The following DOK5 variants were observed in gnomAD, a reference collection of about 807,000 sequenced individuals.
The protein encoded by DOK5 is downstream of tyrosine kinase 5.
In DOK5, 27 loss-of-function variants were observed where a neutral mutation model predicts 43.3. The observed-to-expected ratio is 0.62, with a 90% confidence interval of 0.46 to 0.86. The LOEUF (loss-of-function observed/expected upper bound fraction) is 0.86, where lower values mean the gene tolerates loss of function less well. Among genes scored for constraint, DOK5 ranks in the 40% least tolerant of loss-of-function variants. DOK5 has a pLI of 0.00. For missense variants in DOK5, 373 were observed against 392.9 expected (o/e 0.95, Z 0.43); for synonymous variants, 146 against 140.1 (o/e 1.04, Z -0.30).
intron 5 of DOK5, among the ~76,000 whole-genome samples, chr20:54,594,316 TGG>T (rs1283908199): frequency 2.0e-5 from 3 of 152,120 alleles, no homozygotes; most frequent in Non-Finnish European, 4.4e-5. Flanking sequence ...CACTTGAGCC[TGG>T]GAGGTCGAGG....
At chr20:54,646,517 T>G (rs1240185218) in intron 7 of DOK5, among the ~76,000 whole-genome samples, 16 of 152,172 alleles carry the variant, frequency 1.1e-4, no homozygotes. Flanking sequence ...CCTCCCAAAG[T>G]GCTGGAATTA....
Position 54,602,979 on chromosome 20 carries a change from T to C in DOK5, c.600-7409T>C, listed in dbSNP as rs138346238. Among the ~76,000 whole-genome samples, 418 of 152,362 alleles carry C rather than the reference T, an allele frequency of 2.7e-3. 4 individuals are homozygous for C. Among genetic ancestry groups the C allele is most frequent in the African/African-American group, 9.2e-3 (382 of 41,584 alleles). ...AGCCACCGCGCCCAGACTTTTAATG[T>C]ATTTTTTAAGTCTGCTTTCAATTTA... On this transcript the variant is annotated intron_variant, in intron 5 of 7. Coordinates refer to ENST00000262593, the MANE Select transcript of DOK5 (RefSeq NM_018431.5).
In DOK5 at chr20:54,643,526, C is replaced by G; in HGVS notation, c.804C>G (p.Tyr268Ter). The change falls in exon 7 of 8, where the codon TAC becomes TAG. Residue 268 changes from tyrosine (Y) to a stop codon, truncating the protein, a stop_gained. Transcript: ENST00000262593. LOFTEE classifies it high-confidence loss of function. ...TGGTGCCCCTGCCTCGCAGCGCCTA[C>G]TGGCAGCACATCACACGGCAGCACA... ...STMVPLPRSA[Y>*]WQHITRQHST... 6.2e-7 allele frequency: 1 copy of G among 1,613,640 alleles called. No homozygotes were observed. Among genetic ancestry groups the G allele is most frequent in the Non-Finnish European group, 8.5e-7 (1 of 1,180,048 alleles).
At chr20:54,541,140 G>T (rs765080955) in intron 1 of DOK5, among the ~76,000 whole-genome samples, 1 of 152,138 alleles carries the variant, frequency 6.6e-6, no homozygotes, top group Non-Finnish European at 1.5e-5. Flanking sequence ...AATCATCCTA[G>T]ACTTTTGTCT....
chr20:54,636,180 G>A (rs1978818059), intron 6 of DOK5, among the ~76,000 whole-genome samples: 1 of 152,218 alleles, frequency 6.6e-6, no homozygotes, highest in African/African-American at 2.4e-5. Flanking sequence ...TAGCCTCACA[G>A]GCTGGCTGCC....
rs576276409 is a variant in DOK5 at position 54,538,631 on chromosome 20, T to C, written c.67-16302T>C. 6.6e-5 allele frequency among the ~76,000 whole-genome samples: 10 copies of C among 152,322 alleles called. No individual in the cohort carries two copies. The East Asian group carries it at 1.5e-3, about 23-fold the overall frequency. ...TGATGTTTGAAGCAAAATTATAACA[T>C]TGTCTTCTATGTTTCTAACTGGATA... On this transcript the variant is annotated intron_variant, in intron 1 of 7. Coordinates refer to ENST00000262593, the MANE Select transcript of DOK5 (RefSeq NM_018431.5).
At chr20:54,488,333 C>T (rs1982023554) in intron 1 of DOK5, among the ~76,000 whole-genome samples, 1 of 152,222 alleles carries the variant, frequency 6.6e-6, no homozygotes, top group Admixed American at 6.5e-5. Flanking sequence ...ACTGGTTGCT[C>T]TTAACGTCTG....
At chr20:54,603,626 G>T (rs974462734) in intron 5 of DOK5, among the ~76,000 whole-genome samples, 9 of 152,174 alleles carry the variant, frequency 5.9e-5, no homozygotes, top group Non-Finnish European at 8.8e-5. Flanking sequence ...GGTACTACTG[G>T]CATCTAGTGA....
intron 1 of DOK5, among the ~76,000 whole-genome samples, chr20:54,520,272 A>T (rs1324907811): frequency 6.6e-6 from 1 of 152,134 alleles, no homozygotes; most frequent in African/African-American, 2.4e-5. Flanking sequence ...GCAAATTCTA[A>T]GCCCCTTATC....
intron 1 of DOK5, among the ~76,000 whole-genome samples, chr20:54,528,447 C>T (rs559934531): frequency 1.3e-5 from 2 of 152,120 alleles, no homozygotes; most frequent in South Asian, 4.2e-4. Context: ...ATACGGCTTC[C>T]CACCTAGAGG....
chr20:54,625,400 A>C (rs946675528), intron 6 of DOK5, among the ~76,000 whole-genome samples: 7 of 152,214 alleles, frequency 4.6e-5, no homozygotes, highest in Non-Finnish European at 8.8e-5. Flanking sequence ...ACGTTTGGCC[A>C]GTTGCCATTT....
chr20:54,497,302 T>C (rs1472604674), intron 1 of DOK5, among the ~76,000 whole-genome samples: 1 of 152,240 alleles, frequency 6.6e-6, no homozygotes, highest in Non-Finnish European at 1.5e-5. Flanking sequence ...GAGACACTGC[T>C]TCATGCATTA....
chr20:54,634,361 C>T (rs1978715737), intron 6 of DOK5, among the ~76,000 whole-genome samples: 1 of 150,738 alleles, frequency 6.6e-6, no homozygotes, highest in Non-Finnish European at 1.5e-5. Context: ...AGTTGTCGGT[C>T]AGGTCTTCAT....
chr20:54,489,552 A>G (rs1982082616), intron 1 of DOK5, among the ~76,000 whole-genome samples: 6 of 152,122 alleles, frequency 3.9e-5, no homozygotes, highest in Admixed American at 3.3e-4. Flanking sequence ...TATATCTTAT[A>G]TATTTTATTT....
chr20:54,602,716 C>T (rs1986334661), intron 5 of DOK5, among the ~76,000 whole-genome samples: 1 of 151,968 alleles, frequency 6.6e-6, no homozygotes, highest in East Asian at 1.9e-4. Context: ...TCTCTGTTGC[C>T]CAGGCTGGAG....
At chr20:54,508,478 TA>T (rs1260260551) in intron 1 of DOK5, among the ~76,000 whole-genome samples, 2 of 150,324 alleles carry the variant, frequency 1.3e-5, no homozygotes, top group Non-Finnish European at 3.0e-5. Flanking sequence ...AGGGTGGAAA[TA>T]AGGAAGTGGG....
intron 5 of DOK5, among the ~76,000 whole-genome samples, chr20:54,603,856 T>C (rs1346250975): frequency 1.3e-5 from 2 of 151,892 alleles, no homozygotes; most frequent in African/African-American, 4.8e-5. Context: ...TCTGTGAAAG[T>C]ACGTTTTCTT....
rs142536008 is a variant in DOK5, at chr20:54,506,209, C to T, written c.66+30197C>T. 3.5e-3 allele frequency among the ~76,000 whole-genome samples: 537 copies of T among 152,184 alleles called. 2 individuals carry two copies. The highest frequency in any genetic ancestry group is 0.012 in the African/African-American group (513 of 41,520). On this transcript the variant is annotated intron_variant, in intron 1 of 7. Transcript: ENST00000262593. ...AGTCAGGAAGACTTTGATACTTTGACTTGGTCAACTGCAGGAATGGGATTA... is the reference window on the plus strand; with the variant it reads ...AGTCAGGAAGACTTTGATACTTTGATTTGGTCAACTGCAGGAATGGGATTA...
chr20:54,604,897 A>T (rs1031673299), intron 5 of DOK5, among the ~76,000 whole-genome samples: 1 of 151,898 alleles, frequency 6.6e-6, no homozygotes, highest in African/African-American at 2.4e-5. Context: ...GCTACTTAGG[A>T]GGCTGAGGCA....
Sources: gnomAD v4.1 joint callset for allele counts (sites outside exome capture counted in the v4.1 genomes callset) on GRCh38, gnomAD v4.1.1 for gene constraint, MANE v1.5 for transcripts, NCBI Gene and HGNC (gene_info 2026-07-23, HGNC 2026-07-21) for gene names.